The following MECOM variants were observed in gnomAD, a reference collection of about 807,000 sequenced individuals.
MECOM encodes MDS1 and EVI1 complex locus.
Under a neutral mutation model 116.3 loss-of-function variants are expected in MECOM, and 13 were observed. That is an observed-to-expected ratio of 0.11 (90% CI 0.07 to 0.18). The LOEUF is 0.18. Ranked by LOEUF, MECOM falls within the 10% of genes least tolerant of loss-of-function variation. The probability of loss-of-function intolerance (pLI) is 1.00; values close to 1 mark genes in which losing one functional copy is unlikely to be tolerated. For synonymous variants in MECOM, 528 were observed against 535.2 expected, an observed-to-expected ratio of 0.99 and a Z score of 0.19; for missense variants, 1,299 against 1,509.0, an observed-to-expected ratio of 0.86 and a Z score of 2.31.
At chr3:169,092,519 G>A (rs911197018) in intron 14 of MECOM, among the ~76,000 whole-genome samples, 4 of 151,700 alleles carry the variant, frequency 2.6e-5, no homozygotes, top group Non-Finnish European at 5.9e-5. Flanking sequence ...ATGTATAATA[G>A]TAGCCACTAT....
intron 1 of MECOM, chr3:169,389,508 C>T: frequency 1.0e-6 from 1 of 961,000 alleles, no homozygotes; most frequent in Non-Finnish European, 1.2e-6. Context: ...CTATGTGCCT[C>T]TACTTTCTTT....
intron 1 of MECOM, among the ~76,000 whole-genome samples, chr3:169,594,688 C>G (rs891049915): frequency 6.6e-6 from 1 of 151,666 alleles, no homozygotes; most frequent in Admixed American, 6.6e-5. Context: ...TCCGCTCCCA[C>G]TAGTCCATCT....
intron 10 of MECOM, among the ~76,000 whole-genome samples, chr3:169,107,448 CT>C (rs1725804275): frequency 6.6e-6 from 1 of 152,068 alleles, no homozygotes; most frequent in Non-Finnish European, 1.5e-5. Flanking sequence ...AGTTTTATAT[CT>C]TCAAATAGCC....
At chr3:169,661,799 G>A (rs371818439) in intron 1 of MECOM, among the ~76,000 whole-genome samples, 1 of 152,170 alleles carries the variant, frequency 6.6e-6, no homozygotes, top group East Asian at 1.9e-4. Context: ...GGTCGCGCGG[G>A]GGGAGACTGG....
rs187438648 is a variant in MECOM, at chr3:169,132,827, A to C, written c.511-1296T>G. 2.2e-3 allele frequency among the ~76,000 whole-genome samples: 333 copies of C among 149,832 alleles called. 1 individual carries two copies. Among genetic ancestry groups the C allele is most frequent in the South Asian group, 0.016 (77 of 4,748 alleles). On this transcript the variant is annotated intron_variant, in intron 3 of 16. Transcript: ENST00000651503. Reference sequence around the variant, plus strand: ...GGGTACAGTGGCATGATCACAGCTCACAGCAGCCTCAACCTCCCTGGGCTC... The same window carrying C: ...GGGTACAGTGGCATGATCACAGCTCCCAGCAGCCTCAACCTCCCTGGGCTC...
chr3:169,210,237 G>A (rs1577353266), intron 2 of MECOM, among the ~76,000 whole-genome samples: 3 of 152,024 alleles, frequency 2.0e-5, no homozygotes, highest in Admixed American at 6.6e-5. Context: ...TGTATGTGGG[G>A]CTTAAAACCT....
chr3:169,265,039 A>G (rs1161127533), intron 2 of MECOM, among the ~76,000 whole-genome samples: 1 of 152,186 alleles, frequency 6.6e-6, no homozygotes. Context: ...AACAGAAAAA[A>G]AAAAAAGTTA....
rs1413097407 is a variant in MECOM, at chr3:169,576,836, C to CAGAGAGAGAGAG, written c.37+86499_37+86500insCTCTCTCTCTCT. Among the ~76,000 whole-genome samples the CAGAGAGAGAGAG allele has an allele frequency of 4.4e-5, 5 of 113,406 alleles. No homozygotes were observed. In the East Asian group the frequency reaches 1.4e-3, roughly 31 times the overall value. The allele number at this position is 113,406 out of a possible 152,430, so 74.4% of individuals were successfully genotyped here. ...ACACACACACACACACACACACACA[C>CAGAGAGAGAGAG]ACAGAGAGAGAGAGAGAGAGTTAAG... On this transcript the variant is annotated intron_variant, in intron 1 of 16. Transcript: ENST00000651503.
intron 11 of MECOM, among the ~76,000 whole-genome samples, chr3:169,101,444 C>T (rs1318000994): frequency 2.6e-5 from 4 of 152,046 alleles, no homozygotes; most frequent in Non-Finnish European, 5.9e-5. Flanking sequence ...AAGGTATGTA[C>T]CCATAAAAGC....
At chr3:169,626,692 G>T (rs1267962890) in intron 1 of MECOM, among the ~76,000 whole-genome samples, 1 of 152,086 alleles carries the variant, frequency 6.6e-6, no homozygotes, top group African/African-American at 2.4e-5. Context: ...AACACACCTG[G>T]TTTCTAGGAA....
intron 2 of MECOM, among the ~76,000 whole-genome samples, chr3:169,190,957 A>G (rs189853882): frequency 1.3e-5 from 2 of 151,958 alleles, no homozygotes; most frequent in Non-Finnish European, 2.9e-5. Context: ...TACACTTTCA[A>G]TATGTACAGA....
chr3:169,341,891 C>A (rs902833150), intron 2 of MECOM, among the ~76,000 whole-genome samples: 6 of 152,176 alleles, frequency 3.9e-5, no homozygotes, highest in Admixed American at 3.9e-4. Context: ...GGGATGGACA[C>A]CCCATTCTCC....
intron 2 of MECOM, among the ~76,000 whole-genome samples, chr3:169,199,445 A>G (rs1259334394): frequency 6.6e-6 from 1 of 151,966 alleles, no homozygotes; most frequent in Non-Finnish European, 1.5e-5. Flanking sequence ...ACAAGTTCTC[A>G]CCCTGTCGCC....
intron 1 of MECOM, among the ~76,000 whole-genome samples, chr3:169,503,899 A>T (rs1441328818): frequency 6.6e-6 from 1 of 152,220 alleles, no homozygotes; most frequent in Non-Finnish European, 1.5e-5. Context: ...CCATGGTGCT[A>T]AATGAGGCAT....
At chr3:169,165,619 G>A (rs888812961) in intron 2 of MECOM, among the ~76,000 whole-genome samples, 6 of 152,078 alleles carry the variant, frequency 3.9e-5, no homozygotes, top group African/African-American at 7.2e-5. Context: ...TGTACCATAC[G>A]AAATTTGAGG....
chr3:169,663,034 T>G (rs1440794314), intron 1 of MECOM, among the ~76,000 whole-genome samples: 1 of 71,534 alleles, frequency 1.4e-5, no homozygotes, highest in South Asian at 5.4e-4. Flanking sequence ...CGCTCTCTCC[T>G]CCCTCCCACC....
intron 2 of MECOM, among the ~76,000 whole-genome samples, chr3:169,232,271 C>T (rs1753492715): frequency 6.6e-6 from 1 of 151,956 alleles, no homozygotes; most frequent in African/African-American, 2.4e-5. Context: ...GGCCATTCTA[C>T]AACAAAAGTG....
intron 2 of MECOM, among the ~76,000 whole-genome samples, chr3:169,314,757 A>C (rs1719439041): frequency 6.6e-6 from 1 of 152,318 alleles, no homozygotes; most frequent in Non-Finnish European, 1.5e-5. Context: ...AGAGAGGAAA[A>C]GGCAAAAAGA....
intron 2 of MECOM, among the ~76,000 whole-genome samples, chr3:169,160,059 G>C (rs1487990658): frequency 6.6e-6 from 1 of 152,020 alleles, no homozygotes; most frequent in Non-Finnish European, 1.5e-5. Flanking sequence ...GTTGGTGGTG[G>C]ATTTTTATAT....
Sources: allele counts gnomAD v4.1 joint callset (sites outside exome capture counted in the v4.1 genomes callset), GRCh38; gene constraint gnomAD v4.1.1; transcripts MANE v1.5; gene names NCBI Gene and HGNC (gene_info 2026-07-23, HGNC 2026-07-21).